The following PPP3CA variants were observed in gnomAD, a reference collection of about 807,000 sequenced individuals.
The protein encoded by PPP3CA is CAM-PRP catalytic subunit.
A neutral mutation model predicts 66.5 loss-of-function variants in PPP3CA; 14 were observed. That is an observed-to-expected ratio of 0.21 (90% CI 0.14 to 0.33). The LOEUF (loss-of-function observed/expected upper bound fraction) is 0.33. Among genes scored for constraint, PPP3CA ranks in the 10% least tolerant of loss-of-function variants. The pLI is 1.00. For missense variants in PPP3CA, 317 were observed against 639.5 expected (o/e 0.50, Z 5.44); for synonymous variants, 232 against 226.2 (o/e 1.03, Z -0.23).
At chr4:101,136,833 CTG>C (rs1033615719) in intron 2 of PPP3CA, among the ~76,000 whole-genome samples, 3 of 151,952 alleles carry the variant, frequency 2.0e-5, no homozygotes, top group African/African-American at 7.3e-5. Flanking sequence ...TGCCTTTTGT[CTG>C]TGTGTTTTTG....
At chr4:101,280,093 CACATT>C in intron 1 of PPP3CA, among the ~76,000 whole-genome samples, 1 of 152,252 alleles carries the variant, frequency 6.6e-6, no homozygotes, top group South Asian at 2.1e-4. Flanking sequence ...GAAATGGGAA[CACATT>C]AGCGAATAAA....
chr4:101,137,648 G>C (rs1722665628), intron 2 of PPP3CA, among the ~76,000 whole-genome samples: 1 of 152,112 alleles, frequency 6.6e-6, no homozygotes, highest in African/African-American at 2.4e-5. Context: ...ACTCTCTCTG[G>C]TCTAGGTGTC....
rs186749889 is a variant in PPP3CA at position 101,183,833 on chromosome 4, T to G, written c.259+12083A>C. Among the ~76,000 whole-genome samples the G allele has an allele frequency of 2.1e-3, 320 of 152,224 alleles. 2 individuals are homozygous for G. Among genetic ancestry groups the G allele is most frequent in the Non-Finnish European group, 1.7e-3 (113 of 68,008 alleles). The stretch of plus-strand genomic sequence containing the variant: ...TGCTTTGCTTTTCCACATTCTTGCT[T>G]CAATAACTCATCGCTCAACCCTACC... On this transcript the variant is annotated intron_variant, in intron 2 of 13. Coordinates refer to ENST00000394854, the MANE Select transcript of PPP3CA (RefSeq NM_000944.5).
intron 1 of PPP3CA, among the ~76,000 whole-genome samples, chr4:101,333,949 G>C (rs1367641504): frequency 6.6e-6 from 1 of 152,152 alleles, no homozygotes; most frequent in African/African-American, 2.4e-5. Context: ...CAAGAACACA[G>C]TGCAGAGCCA....
intron 1 of PPP3CA, among the ~76,000 whole-genome samples, chr4:101,333,686 A>T (rs1285127157): frequency 1.3e-5 from 2 of 152,150 alleles, no homozygotes; most frequent in Non-Finnish European, 2.9e-5. Context: ...ATCCATCTTT[A>T]TTTTAAAATA....
intron 1 of PPP3CA, among the ~76,000 whole-genome samples, chr4:101,233,275 G>A (rs751948900): frequency 6.6e-6 from 1 of 151,596 alleles, no homozygotes; most frequent in African/African-American, 2.4e-5. Context: ...ACTTTACCTG[G>A]GACTAAGGAG....
At chr4:101,115,074 G>T (rs1334910077) in intron 2 of PPP3CA, among the ~76,000 whole-genome samples, 2 of 151,942 alleles carry the variant, frequency 1.3e-5, no homozygotes, top group Non-Finnish European at 2.9e-5. Context: ...AGAAGTTCAG[G>T]ACTTTACTCA....
intron 11 of PPP3CA, among the ~76,000 whole-genome samples, chr4:101,033,273 GAGACACACACACACACACAA>G (rs1234801288): frequency 1.8e-5 from 2 of 110,992 alleles, no homozygotes; most frequent in African/African-American, 3.2e-5. Context: ...TACATACATA[GAGACACACACACACACACAA>G]ACACACACAC....
chr4:101,140,149 T>G (rs1722758201), intron 2 of PPP3CA, among the ~76,000 whole-genome samples: 1 of 152,208 alleles, frequency 6.6e-6, no homozygotes, highest in African/African-American at 2.4e-5. Flanking sequence ...AAAAGGTAAT[T>G]CATAATTGTC....
intron 1 of PPP3CA, among the ~76,000 whole-genome samples, chr4:101,334,403 G>A (rs1275645932): frequency 6.6e-6 from 1 of 152,078 alleles, no homozygotes; most frequent in African/African-American, 2.4e-5. Context: ...CAAAGTGCTG[G>A]AATTACAAGT....
intron 13 of PPP3CA, among the ~76,000 whole-genome samples, chr4:101,028,843 G>GATT (rs1726789006): frequency 6.6e-6 from 1 of 152,086 alleles, no homozygotes; most frequent in Non-Finnish European, 1.5e-5. Flanking sequence ...TCAGCTCAAA[G>GATT]ATTATTGTTT....
chr4:101,247,228 C>A (rs1026951615), intron 1 of PPP3CA, among the ~76,000 whole-genome samples: 4 of 151,444 alleles, frequency 2.6e-5, no homozygotes, highest in Non-Finnish European at 4.4e-5. Flanking sequence ...GTGGTGCAAT[C>A]TCAGCTCACT....
intron 8 of PPP3CA, among the ~76,000 whole-genome samples, chr4:101,079,719 C>T (rs973649840): frequency 1.3e-5 from 2 of 152,236 alleles, no homozygotes; most frequent in African/African-American, 4.8e-5. Flanking sequence ...CACATTTTAT[C>T]ACGCATGTGA....
At chr4:101,245,567 G>A (rs1726450489) in intron 1 of PPP3CA, among the ~76,000 whole-genome samples, 1 of 152,124 alleles carries the variant, frequency 6.6e-6, no homozygotes, top group South Asian at 2.1e-4. Context: ...TCCCCTGAGA[G>A]ATTTCAAGAG....
intron 1 of PPP3CA, among the ~76,000 whole-genome samples, chr4:101,260,163 G>C (rs1339931683): frequency 6.6e-6 from 1 of 152,062 alleles, no homozygotes; most frequent in Non-Finnish European, 1.5e-5. Flanking sequence ...AACGACAAAG[G>C]TGCAAACTGC....
chr4:101,215,169 AAAT>A (rs1725417408), intron 1 of PPP3CA, among the ~76,000 whole-genome samples: 1 of 151,914 alleles, frequency 6.6e-6, no homozygotes, highest in Non-Finnish European at 1.5e-5. Context: ...TAATTAATAT[AAAT>A]AATAATTCAC....
chr4:101,190,637 A>AT (rs1337151826), intron 2 of PPP3CA, among the ~76,000 whole-genome samples: 3 of 152,164 alleles, frequency 2.0e-5, no homozygotes, highest in African/African-American at 7.2e-5. Context: ...CCTGGCTTAC[A>AT]TTTTTTGTTT....
intron 2 of PPP3CA, among the ~76,000 whole-genome samples, chr4:101,172,715 C>A (rs1388997381): frequency 1.3e-5 from 2 of 152,062 alleles, no homozygotes; most frequent in Non-Finnish European, 2.9e-5. Context: ...GAAGCTGAAT[C>A]TAGTTTTTAA....
In PPP3CA at chr4:101,347,392, C is replaced by A; in HGVS notation, c.-596G>T. On this transcript the variant is annotated 5_prime_UTR_variant, in exon 1 of 14. Transcript: ENST00000394854. ...GCCCCTGCTTCTCCACACAGAGCGC[C>A]GCCGCTGGTGCCGCGGCCGCCGGAG... 1 of 168,328 alleles carries A rather than the reference C, an allele frequency of 5.9e-6. No homozygotes were observed. The highest frequency in any genetic ancestry group is 1.3e-5 in the Non-Finnish European group (1 of 79,404). 10.4% of individuals were successfully genotyped at this position (168,328 alleles called of 1,614,324 possible).
Sources: gnomAD v4.1 joint callset for allele counts (sites outside exome capture counted in the v4.1 genomes callset) on GRCh38, gnomAD v4.1.1 for gene constraint, MANE v1.5 for transcripts, NCBI Gene and HGNC (gene_info 2026-07-23, HGNC 2026-07-21) for gene names.